Variants in PFKP observed in about 807,000 individuals in gnomAD.
The protein encoded by PFKP is phosphofructokinase, platelet, also known as ATP-dependent 6-phosphofructokinase, platelet type.
PFKP carries 101 observed loss-of-function variants against 94.3 expected under a neutral mutation model. The ratio of observed to expected loss-of-function variants is 1.07; its 90% CI spans 0.91 to 1.26. PFKP has a LOEUF of 1.26. Among genes scored for constraint, PFKP ranks in the 50% most tolerant of loss-of-function variants. PFKP has a pLI of 0.00. For missense variants in PFKP, 1,145 were observed against 1,103.3 expected, an observed-to-expected ratio of 1.04 and a Z score of -0.53; for synonymous variants, 573 against 432.6, an observed-to-expected ratio of 1.32 and a Z score of -4.03.
chr10:3,103,035 C>G (rs1014383010), intron 4 of PFKP, among the ~76,000 whole-genome samples: 1 of 152,190 alleles, frequency 6.6e-6, no homozygotes, highest in East Asian at 1.9e-4. Flanking sequence ...GTCCTGAGTG[C>G]GAGGCAGATG....
intron 1 of PFKP, among the ~76,000 whole-genome samples, chr10:3,077,250 TTTTTTTTTTTC>T (rs779421392): frequency 2.5e-4 from 12 of 47,082 alleles, no homozygotes; most frequent in South Asian, 4.7e-4. Context: ...TATTCTTTAC[TTTTTTTTTTTC>T]TTTTTTTTTT....
rs145232007 is a variant in PFKP at position 3,083,728 on chromosome 10, C to T, written c.186+1267C>T. ...CTTGATTTTGGCTCACTGCAACCTC[C>T]GCCTCCCAGATTCAAATGATTCTCC... is the stretch of plus-strand genomic sequence containing the variant. On this transcript the variant is annotated intron_variant, in intron 2 of 21. Coordinates refer to ENST00000381125, the MANE Select transcript of PFKP (RefSeq NM_002627.5). Among the ~76,000 whole-genome samples the T allele has an allele frequency of 5.4e-3, 821 of 152,234 alleles. 5 individuals carry two copies. Among genetic ancestry groups the T allele is most frequent in the African/African-American group, 0.019 (779 of 41,516 alleles).
At chr10:3,111,016 C>T (rs1408798583) in intron 10 of PFKP, among the ~76,000 whole-genome samples, 1 of 149,626 alleles carries the variant, frequency 6.7e-6, no homozygotes, top group African/African-American at 2.5e-5. Flanking sequence ...TAGTATGTTT[C>T]TGCATGTTAG....
At chr10:3,076,133 G>A (rs934829015) in intron 1 of PFKP, among the ~76,000 whole-genome samples, 2 of 150,998 alleles carry the variant, frequency 1.3e-5, no homozygotes, top group Non-Finnish European at 2.9e-5. Flanking sequence ...ATTTTACACT[G>A]TTTTCCGTAG....
chr10:3,079,311 T>G (rs1210012811), intron 1 of PFKP, among the ~76,000 whole-genome samples: 1 of 151,890 alleles, frequency 6.6e-6, no homozygotes, highest in Non-Finnish European at 1.5e-5. Context: ...CTCAGCTCAC[T>G]GCAAGCTCCA....
chr10:3,081,149 T>C (rs988767937), intron 1 of PFKP, among the ~76,000 whole-genome samples: 1 of 152,226 alleles, frequency 6.6e-6, no homozygotes, highest in Non-Finnish European at 1.5e-5. Flanking sequence ...TGCATTTACC[T>C]CTAAAATATG....
chr10:3,133,146 A>G, intron 18 of PFKP, 57 bp from the exon 19 acceptor site: 1 of 1,270,996 alleles, frequency 7.9e-7, no homozygotes, highest in South Asian at 1.2e-5. Flanking sequence ...CTCCCCAAGC[A>G]GGGAGCCACG....
At chr10:3,104,122 T>C (rs1031483891) in intron 5 of PFKP, among the ~76,000 whole-genome samples, 178 bp downstream of exon 5, 1 of 152,230 alleles carries the variant, frequency 6.6e-6, no homozygotes, top group Non-Finnish European at 1.5e-5. Flanking sequence ...CATTTTTAAT[T>C]TTAAAACATT....
At chr10:3,133,825 C>A (rs1838885776) in intron 19 of PFKP, among the ~76,000 whole-genome samples, 1 of 152,214 alleles carries the variant, frequency 6.6e-6, no homozygotes, top group Non-Finnish European at 1.5e-5. Context: ...AGGGAACTGT[C>A]AGCTTTCATG....
At chr10:3,129,773 C>G (rs371941392) in intron 16 of PFKP, 46 bp from the exon 17 acceptor site, 2 of 1,601,034 alleles carry the variant, frequency 1.2e-6, no homozygotes, top group Non-Finnish European at 1.7e-6. Context: ...ATGGTGGGCG[C>G]GCCCCGGGCC....
rs1257552032 is a variant in PFKP at position 3,118,811 on chromosome 10, T to A, written c.1472T>A (p.Ile491Asn). 1.9e-6 allele frequency: 3 copies of A among 1,613,744 alleles called. No homozygotes were observed. The highest frequency in any genetic ancestry group is 8.5e-7 in the Non-Finnish European group (1 of 1,179,860). ...CTCCCGGGGAAGTACTTGGAAGAGA[T>A]CGCCACACAGATGCGCACGCACAGC... ...RVLPGKYLEE[I>N]ATQMRTHSIN... The change falls in exon 15 of 22, where the codon ATC becomes AAC. Residue 491 changes from isoleucine to asparagine, a missense_variant. Ile to Asn is a moderately radical substitution (Grantham distance 149). Transcript: ENST00000381125.
intron 12 of PFKP, 79 bp downstream of exon 12, chr10:3,113,267 C>T: frequency 6.3e-7 from 1 of 1,575,750 alleles, no homozygotes; most frequent in Non-Finnish European, 8.7e-7. Context: ...TGAATGAGGC[C>T]ACCTGTTTTC....
chr10:3,089,419 C>A (rs920848862), intron 2 of PFKP, among the ~76,000 whole-genome samples: 1 of 151,784 alleles, frequency 6.6e-6, no homozygotes, highest in Non-Finnish European at 1.5e-5. Context: ...TGTAGGAGTG[C>A]GGAGGTCTCT....
At chr10:3,068,958 G>A (rs1831959414) in intron 1 of PFKP, among the ~76,000 whole-genome samples, 1 of 152,128 alleles carries the variant, frequency 6.6e-6, no homozygotes. Context: ...CACTGCGCGG[G>A]TGACCTTCCC....
In PFKP at chr10:3,134,499, C is replaced by T. The variant is rs770229512; in HGVS notation, c.2039C>T (p.Pro680Leu). The part of the protein sequence containing the change: ...GHMQQGGAPS[P>L]FDRNFGTKIS... The stretch of plus-strand genomic sequence containing the variant: ...CACCAACAGGGTGGGGCACCCTCTC[C>T]ATTTGATAGAAACTTTGGAACCAAA... The change falls in exon 20 of 22, where the codon CCA (proline) becomes CTA (leucine). Residue 680 changes from proline to leucine, a missense_variant. Pro to Leu is a moderately conservative substitution (Grantham distance 98, BLOSUM62 -3). Transcript: ENST00000381125. 3 of 1,612,632 alleles carry T rather than the reference C, an allele frequency of 1.9e-6. No individual in the cohort carries two copies. The highest frequency in any genetic ancestry group is 3.3e-5 in the Admixed American group (2 of 60,022).
chr10:3,070,594 C>A (rs1195090116), intron 1 of PFKP, among the ~76,000 whole-genome samples: 1 of 152,168 alleles, frequency 6.6e-6, no homozygotes, highest in East Asian at 1.9e-4. Context: ...AGCCTAAATA[C>A]ATGATCCCAA....
intron 17 of PFKP, among the ~76,000 whole-genome samples, chr10:3,131,666 C>G (rs1340736939): frequency 3.3e-5 from 5 of 151,994 alleles, no homozygotes; most frequent in Admixed American, 2.6e-4. Flanking sequence ...ACCATGTTGG[C>G]CAGGCTGCTC....
At chr10:3,100,288 C>G (rs895657845) in intron 3 of PFKP, among the ~76,000 whole-genome samples, 1 of 151,958 alleles carries the variant, frequency 6.6e-6, no homozygotes, top group African/African-American at 2.4e-5. Context: ...CCCTGCTCTG[C>G]GCCCCCACCC....
chr10:3,088,744 T>C (rs1345157424), intron 2 of PFKP, among the ~76,000 whole-genome samples: 3 of 152,060 alleles, frequency 2.0e-5, no homozygotes, highest in Non-Finnish European at 1.5e-5. Flanking sequence ...GCATATATCA[T>C]TTACCATCTT....
Sources: gnomAD v4.1 joint callset for allele counts (sites outside exome capture counted in the v4.1 genomes callset) on GRCh38, gnomAD v4.1.1 for gene constraint, MANE v1.5 for transcripts, NCBI Gene and HGNC (gene_info 2026-07-23, HGNC 2026-07-21) for gene names.